The following MTUS2 variants were observed in gnomAD, a reference collection of about 807,000 sequenced individuals.
MTUS2 encodes the protein microtubule-associated tumor suppressor candidate 2.
In MTUS2, 40 loss-of-function variants were observed where a neutral mutation model predicts 114.1. The observed-to-expected ratio is 0.35, with a 90% confidence interval of 0.27 to 0.46. The LOEUF (loss-of-function observed/expected upper bound fraction) is 0.46, where lower values mean the gene tolerates loss of function less well. MTUS2 is among the 20% of genes least tolerant of loss of function. The pLI, the probability that MTUS2 is intolerant of heterozygous loss-of-function variation, is 1.00. For missense variants in MTUS2, 1,679 were observed against 1,705.4 expected, an observed-to-expected ratio of 0.98 and a Z score of 0.27; for synonymous variants, 688 against 672.0, an observed-to-expected ratio of 1.02 and a Z score of -0.37.
chr13:28,973,177 A>T lies in MTUS2; in HGVS notation c.-242-51280A>T, dbSNP rs756009879. Among the ~76,000 whole-genome samples the T allele has an allele frequency of 7.2e-5, 11 of 152,188 alleles. No individual in the cohort carries two copies. The South Asian group carries it at 8.3e-4, about 11-fold the overall frequency. The stretch of plus-strand genomic sequence containing the variant: ...CTCTATGATATGAATAGGAAGTTGG[A>T]TGTAAAATTTAGTTTTTCCTGTCTG... On this transcript the variant is annotated intron_variant, in intron 2 of 15. Coordinates refer to ENST00000612955, the MANE Select transcript of MTUS2 (RefSeq NM_001033602.4).
At chr13:28,931,520 C>G (rs1179120444) in intron 2 of MTUS2, among the ~76,000 whole-genome samples, 1 of 152,136 alleles carries the variant, frequency 6.6e-6, no homozygotes. Context: ...CCTGCTTCCC[C>G]TTCCACCATG....
intron 2 of MTUS2, among the ~76,000 whole-genome samples, chr13:28,995,384 C>T (rs1191422653): frequency 2.0e-5 from 3 of 152,138 alleles, no homozygotes; most frequent in Non-Finnish European, 2.9e-5. Context: ...GCAATGAGGG[C>T]TCTTTTTTGG....
At chr13:28,963,054 G>A (rs1593337790) in intron 2 of MTUS2, among the ~76,000 whole-genome samples, 1 of 152,108 alleles carries the variant, frequency 6.6e-6, no homozygotes, top group East Asian at 1.9e-4. Context: ...TCTTTTAATT[G>A]AAATAGAGTA....
rs1345803308 is a variant in MTUS2, at chr13:29,504,433, G to C, written c.*1227G>C. ...ATTTCTGTCCCGGGGGACCAGTTCT[G>C]AGCTGTGCTAGATCATCACACGACC... is the stretch of plus-strand genomic sequence containing the variant. On this transcript the variant is annotated 3_prime_UTR_variant, in exon 16 of 16. Transcript: ENST00000612955. 1 of 231,962 alleles carries C rather than the reference G, an allele frequency of 4.3e-6. No homozygotes were observed. The highest frequency in any genetic ancestry group is 8.5e-6 in the Non-Finnish European group (1 of 117,426). 14.4% of individuals were successfully genotyped at this position (231,962 alleles called of 1,614,324 possible).
chr13:29,491,402 A>G (rs1037540454), intron 11 of MTUS2, among the ~76,000 whole-genome samples: 1 of 140,970 alleles, frequency 7.1e-6, no homozygotes, highest in African/African-American at 2.7e-5. Flanking sequence ...TGTGTAGTAT[A>G]TATATGTGGG....
chr13:29,050,546 C>G (rs1029211031), intron 4 of MTUS2, among the ~76,000 whole-genome samples: 3 of 152,166 alleles, frequency 2.0e-5, no homozygotes. Flanking sequence ...GGGGTGCTCT[C>G]CCTCTCCCTT....
intron 2 of MTUS2, among the ~76,000 whole-genome samples, chr13:29,004,058 C>A (rs1340828729): frequency 6.6e-6 from 1 of 152,160 alleles, no homozygotes; most frequent in East Asian, 1.9e-4. Context: ...TTGCCTCCAC[C>A]AGGACTGACC....
Position 29,504,645 on chromosome 13 carries a change from T to C in MTUS2, c.*1439T>C. ...AGAATTAGGATATGAACAGTACTCATGTAGTGGTGTGGAAGATTAGGAGCA... is the reference window on the plus strand; with the variant it reads ...AGAATTAGGATATGAACAGTACTCACGTAGTGGTGTGGAAGATTAGGAGCA... On this transcript the variant is annotated 3_prime_UTR_variant, in exon 16 of 16. Transcript: ENST00000612955. The C allele has an allele frequency of 4.3e-6, 1 of 232,988 alleles. No individual in the cohort carries two copies. 14.4% of individuals were successfully genotyped at this position (232,988 alleles called of 1,614,324 possible). A position where few individuals can be genotyped will look rare whatever the true frequency, so the allele number is the denominator to read the frequency against.
chr13:29,087,733 G>A lies in MTUS2; in HGVS notation c.2447-13040G>A, dbSNP rs143548446. Among the ~76,000 whole-genome samples, 3 of 152,278 alleles carry A rather than the reference G, an allele frequency of 2.0e-5. No homozygotes were observed. In the South Asian group the frequency reaches 6.2e-4, roughly 32 times the overall value. On this transcript the variant is annotated intron_variant, in intron 4 of 15. Transcript: ENST00000612955. ...GGGTTGTTTTGCTCTCATTTCTCCA[G>A]TTCCTCTGGGTATAATGTTAGGTGG...
chr13:29,343,445 G>A (rs1901503878), intron 7 of MTUS2, among the ~76,000 whole-genome samples: 1 of 151,854 alleles, frequency 6.6e-6, no homozygotes, highest in East Asian at 1.9e-4. Flanking sequence ...TGCATGTAAA[G>A]GTGTTTATAG....
At chr13:28,958,686 T>C (rs1883183706) in intron 2 of MTUS2, among the ~76,000 whole-genome samples, 2 of 152,182 alleles carry the variant, frequency 1.3e-5, no homozygotes, top group Non-Finnish European at 2.9e-5. Context: ...ACTTCCAAAA[T>C]TGGGTCAACA....
chr13:29,430,194 A>C (rs1004636118), intron 8 of MTUS2, among the ~76,000 whole-genome samples: 1 of 152,222 alleles, frequency 6.6e-6, no homozygotes, highest in Non-Finnish European at 1.5e-5. Flanking sequence ...GATTTGCTAC[A>C]TGTAAAACAG....
intron 5 of MTUS2, among the ~76,000 whole-genome samples, chr13:29,183,325 G>A (rs1894085371): frequency 6.6e-6 from 1 of 152,080 alleles, no homozygotes; most frequent in African/African-American, 2.4e-5. Flanking sequence ...CAACTGGAAG[G>A]ATGGAGCTGT....
intron 4 of MTUS2, among the ~76,000 whole-genome samples, chr13:29,040,484 G>T (rs1887299145): frequency 6.6e-6 from 1 of 152,150 alleles, no homozygotes. Flanking sequence ...ACCCAGTAGG[G>T]TATTGCTGGA....
At chr13:29,304,804 G>A (rs1456460065) in intron 6 of MTUS2, among the ~76,000 whole-genome samples, 1 of 152,114 alleles carries the variant, frequency 6.6e-6, no homozygotes, top group Non-Finnish European at 1.5e-5. Context: ...GGTATCTACA[G>A]AACTGTCCAC....
At chr13:29,000,641 C>G (rs1401747218) in intron 2 of MTUS2, among the ~76,000 whole-genome samples, 2 of 152,202 alleles carry the variant, frequency 1.3e-5, no homozygotes, top group African/African-American at 4.8e-5. Flanking sequence ...GTTAGGATTA[C>G]AAGCATAAGC....
chr13:28,987,019 G>A (rs1271574720), intron 2 of MTUS2, among the ~76,000 whole-genome samples: 2 of 152,180 alleles, frequency 1.3e-5, no homozygotes, highest in Non-Finnish European at 2.9e-5. Flanking sequence ...GTGTTTTGGA[G>A]TGGGAATTAT....
intron 10 of MTUS2, among the ~76,000 whole-genome samples, chr13:29,485,835 T>C (rs1881572470): frequency 6.8e-6 from 1 of 146,746 alleles, no homozygotes; most frequent in Admixed American, 7.2e-5. Flanking sequence ...ATCATTTGTG[T>C]AAGCACCGAA....
chr13:29,443,428 G>T (rs1878045076), intron 9 of MTUS2, among the ~76,000 whole-genome samples: 1 of 152,230 alleles, frequency 6.6e-6, no homozygotes, highest in African/African-American at 2.4e-5. Context: ...GCTACACAAG[G>T]ATTACATTGA....
Sources: allele counts gnomAD v4.1 joint callset (sites outside exome capture counted in the v4.1 genomes callset), GRCh38; gene constraint gnomAD v4.1.1; transcripts MANE v1.5; gene names NCBI Gene and HGNC (gene_info 2026-07-23, HGNC 2026-07-21).